The following GALNTL6 variants were observed in gnomAD, a reference collection of about 807,000 sequenced individuals.
GALNTL6 encodes polypeptide N-acetylgalactosaminyltransferase-like 6.
Under a neutral mutation model 73.7 loss-of-function variants are expected in GALNTL6, and 46 were observed. That is an observed-to-expected ratio of 0.62 (90% CI 0.49 to 0.80). The LOEUF is 0.80. Among genes scored for constraint, GALNTL6 ranks in the 30% least tolerant of loss-of-function variants. GALNTL6 has a pLI of 0.00. For missense variants in GALNTL6, 604 were observed against 755.0 expected (o/e 0.80, Z 2.34); for synonymous variants, 259 against 263.7 (o/e 0.98, Z 0.17).
In GALNTL6 at chr4:172,809,628, A is replaced by G; in HGVS notation, c.739+82A>G. 10 of 1,113,804 alleles carry G rather than the reference A, an allele frequency of 9.0e-6. No homozygotes were observed. Among genetic ancestry groups the G allele is most frequent in the Non-Finnish European group, 1.3e-5 (10 of 778,304 alleles). The allele number at this position is 1,113,804 out of a possible 1,614,324, so 69.0% of individuals were successfully genotyped here. On this transcript the variant is annotated intron_variant, in intron 6 of 12. Transcript: ENST00000506823. This position sits in a 1 kb window ranked among gnomAD's most constrained non-coding sequence, Gnocchi z 4.4. ...GCTTCTATTTAGTTTGCAATCAGCA[A>G]ACACTAGAGGTCCCTTCTACAAGTT...
At chr4:171,827,415 C>T (rs1024676256) in intron 2 of GALNTL6, among the ~76,000 whole-genome samples, 5 of 152,084 alleles carry the variant, frequency 3.3e-5, no homozygotes, top group African/African-American at 9.7e-5. Context: ...TTTAAAGTTC[C>T]AACAACTTTA....
chr4:172,301,052 G>C (rs966024567), intron 3 of GALNTL6, among the ~76,000 whole-genome samples: 21 of 152,098 alleles, frequency 1.4e-4, no homozygotes, highest in Non-Finnish European at 3.1e-4. Flanking sequence ...ATTTCTTGGA[G>C]GCTTTGTTCG....
At chr4:171,863,923 A>G (rs535846389) in intron 2 of GALNTL6, among the ~76,000 whole-genome samples, 12 of 151,932 alleles carry the variant, frequency 7.9e-5, no homozygotes, top group African/African-American at 2.7e-4. Flanking sequence ...ATGCCCAGCT[A>G]ATTTTTTTTT....
chr4:171,905,446 T>C (rs1414045808), intron 2 of GALNTL6, among the ~76,000 whole-genome samples: 5 of 151,904 alleles, frequency 3.3e-5, no homozygotes, highest in Non-Finnish European at 7.4e-5. Context: ...GAGCTAACTA[T>C]CCTAAATATA....
intron 5 of GALNTL6, among the ~76,000 whole-genome samples, chr4:172,567,451 T>A (rs1240407163): frequency 1.3e-5 from 2 of 152,188 alleles, no homozygotes; most frequent in African/African-American, 4.8e-5. Context: ...AAATCATACA[T>A]AATTTCACAA....
rs74466414 is a variant in GALNTL6 at position 172,934,100 on chromosome 4, T to C, written c.1149+2832T>C. ...TTGCAAAAGACAGGATATCCATATA[T>C]GAAACCATTAGAGGACAGTACAAGG... On this transcript the variant is annotated intron_variant, in intron 9 of 12. Transcript: ENST00000506823. 7.6e-3 allele frequency among the ~76,000 whole-genome samples: 1,157 copies of C among 152,318 alleles called. 11 individuals carry two copies. The highest frequency in any genetic ancestry group is 0.017 in the African/African-American group (727 of 41,570).
At chr4:172,202,839 G>T (rs748952606) in intron 2 of GALNTL6, among the ~76,000 whole-genome samples, 1 of 152,024 alleles carries the variant, frequency 6.6e-6, no homozygotes, top group African/African-American at 2.4e-5. Context: ...TCACAAAATG[G>T]ATGATTTCTA....
intron 5 of GALNTL6, among the ~76,000 whole-genome samples, chr4:172,361,688 G>T (rs1390311321): frequency 2.0e-5 from 3 of 152,116 alleles, no homozygotes; most frequent in Non-Finnish European, 2.9e-5. Context: ...GTCAAAAGGG[G>T]CATAAAATGG....
intron 5 of GALNTL6, among the ~76,000 whole-genome samples, chr4:172,602,373 A>G (rs1231517983): frequency 6.6e-6 from 1 of 152,152 alleles, no homozygotes; most frequent in Non-Finnish European, 1.5e-5. Context: ...ATATTAGTAC[A>G]TATTATGGGG....
intron 10 of GALNTL6, among the ~76,000 whole-genome samples, chr4:173,004,303 C>T (rs1288534661): frequency 6.6e-6 from 1 of 152,182 alleles, no homozygotes; most frequent in Non-Finnish European, 1.5e-5. Flanking sequence ...GTCTTTCCAG[C>T]TCTGCAAATA....
intron 2 of GALNTL6, among the ~76,000 whole-genome samples, chr4:172,156,544 T>TATATATATATATATATATAATATATATA (rs1553997700): frequency 0.03 from 2,063 of 67,764 alleles, 21 homozygotes; most frequent in Non-Finnish European, 0.044. Flanking sequence ...ATATATAATA[T>TATATATATATATATATATAATATATATA]ATATATATAT....
intron 5 of GALNTL6, among the ~76,000 whole-genome samples, chr4:172,749,211 G>A (rs1232201493): frequency 6.6e-6 from 1 of 151,934 alleles, no homozygotes; most frequent in Admixed American, 6.6e-5. Flanking sequence ...AATCATGTAT[G>A]TCACTGTTTT....
At chr4:172,838,192 C>G (rs1043521782) in intron 7 of GALNTL6, among the ~76,000 whole-genome samples, 3 of 152,170 alleles carry the variant, frequency 2.0e-5, no homozygotes, top group African/African-American at 7.2e-5. Flanking sequence ...GTCACACCTC[C>G]CACCTCCCAC....
intron 2 of GALNTL6, among the ~76,000 whole-genome samples, chr4:171,988,127 A>G (rs972834542): frequency 1.3e-5 from 2 of 152,204 alleles, no homozygotes; most frequent in Admixed American, 1.3e-4. Context: ...GCACGCAGAC[A>G]TGAGGGCTAG....
intron 5 of GALNTL6, among the ~76,000 whole-genome samples, chr4:172,650,571 G>A (rs923697632): frequency 2.0e-5 from 3 of 151,990 alleles, no homozygotes; most frequent in Admixed American, 6.6e-5. Flanking sequence ...CAAGTTAATC[G>A]AATCAATAAC....
chr4:172,348,818 TG>T, intron 5 of GALNTL6, 129 bp downstream of exon 5: 1 of 532,268 alleles, frequency 1.9e-6, no homozygotes, highest in Admixed American at 3.6e-5. Context: ...GTTTTATCTA[TG>T]TTGTGATTTC....
At chr4:172,850,587 G>A (rs1743762239) in intron 7 of GALNTL6, among the ~76,000 whole-genome samples, 1 of 152,118 alleles carries the variant, frequency 6.6e-6, no homozygotes. Context: ...TGGGCGTCCT[G>A]TGATTCTACT....
intron 7 of GALNTL6, 115 bp from the exon 8 acceptor site, chr4:172,882,675 A>G (rs1745518602): frequency 1.4e-6 from 1 of 729,586 alleles, no homozygotes; most frequent in African/African-American, 1.8e-5. Flanking sequence ...CAGTGCTGAA[A>G]AGTTCCACAC....
intron 2 of GALNTL6, among the ~76,000 whole-genome samples, chr4:171,906,153 C>T (rs1737268720): frequency 1.3e-5 from 2 of 150,756 alleles, no homozygotes; most frequent in African/African-American, 4.9e-5. Flanking sequence ...CAGAGCAGAA[C>T]TGAAGGAAAT....
Sources: gnomAD v4.1 joint callset for allele counts (sites outside exome capture counted in the v4.1 genomes callset) on GRCh38, gnomAD v4.1.1 for gene constraint, Gnocchi (gnomAD v3.1) non-coding constraint, MANE v1.5 for transcripts, NCBI Gene and HGNC (gene_info 2026-07-23, HGNC 2026-07-21) for gene names.